The following ST6GALNAC3 variants were observed in gnomAD, a reference collection of about 807,000 sequenced individuals.
ST6GALNAC3 encodes ST6 N-acetylgalactosaminide alpha-2,6-sialyltransferase 3.
In ST6GALNAC3, 25 loss-of-function variants were observed where a neutral mutation model predicts 32.7. The observed-to-expected ratio is 0.76, with a 90% CI of 0.56 to 1.07. ST6GALNAC3 has a LOEUF of 1.07. Ranked by LOEUF, ST6GALNAC3 falls within the 50% of genes least tolerant of loss-of-function variation. The probability of loss-of-function intolerance (pLI) is 0.00; values close to 1 mark genes in which losing one functional copy is unlikely to be tolerated. For missense variants in ST6GALNAC3, 355 were observed against 382.4 expected (o/e 0.93, Z 0.60); for synonymous variants, 129 against 133.1 (o/e 0.97, Z 0.21).
chr1:76,560,261 G>A (rs957247789), intron 3 of ST6GALNAC3, among the ~76,000 whole-genome samples: 1 of 152,134 alleles, frequency 6.6e-6, no homozygotes, highest in Non-Finnish European at 1.5e-5. Context: ...AAACTCTTCA[G>A]GACGTTGATT....
chr1:76,337,559 T>A (rs1647602906), intron 2 of ST6GALNAC3, among the ~76,000 whole-genome samples: 1 of 152,030 alleles, frequency 6.6e-6, no homozygotes, highest in Non-Finnish European at 1.5e-5. Flanking sequence ...ATCTAAAAGC[T>A]GGTTGGCAAT....
chr1:76,506,697 C>T (rs1283692638), intron 3 of ST6GALNAC3, among the ~76,000 whole-genome samples: 3 of 152,140 alleles, frequency 2.0e-5, no homozygotes, highest in Non-Finnish European at 4.4e-5. Flanking sequence ...GTTTCAGGTT[C>T]CAGGCAGGTG....
At chr1:76,536,944 A>C (rs1663647646) in intron 3 of ST6GALNAC3, among the ~76,000 whole-genome samples, 1 of 152,176 alleles carries the variant, frequency 6.6e-6, no homozygotes, top group Non-Finnish European at 1.5e-5. Context: ...CAGAAAATTA[A>C]CAAGGATATT....
rs183547282 is a variant in ST6GALNAC3 at position 76,533,588 on chromosome 1, A to C, written c.624-93864A>C. On this transcript the variant is annotated intron_variant, in intron 3 of 4. Transcript: ENST00000328299. ...AGACTCACACCACATAGTTACCCATATTTCTTCCATTCCCTCCACTGCACC... is the reference window on the plus strand; with the variant it reads ...AGACTCACACCACATAGTTACCCATCTTTCTTCCATTCCCTCCACTGCACC... Among the ~76,000 whole-genome samples the C allele has an allele frequency of 4.9e-4, 75 of 151,996 alleles. No homozygotes were observed. The Middle Eastern group carries it at 0.014, about 28-fold the overall frequency.
intron 1 of ST6GALNAC3, among the ~76,000 whole-genome samples, chr1:76,149,725 A>G (rs542442261): frequency 6.6e-6 from 1 of 151,906 alleles, no homozygotes; most frequent in East Asian, 1.9e-4. Context: ...GTATTCATTC[A>G]TTGTTCCATG....
At chr1:76,585,792 A>G (rs141588640) in intron 3 of ST6GALNAC3, among the ~76,000 whole-genome samples, 57 of 152,308 alleles carry the variant, frequency 3.7e-4, no homozygotes, top group African/African-American at 1.3e-3. Flanking sequence ...CTTAAAATCA[A>G]TCAAATACCC....
At chr1:76,148,370 G>A (rs1268929627) in intron 1 of ST6GALNAC3, among the ~76,000 whole-genome samples, 3 of 152,250 alleles carry the variant, frequency 2.0e-5, no homozygotes, top group Admixed American at 6.5e-5. Context: ...GATATAGGAA[G>A]GTTTCCGGGG....
intron 1 of ST6GALNAC3, among the ~76,000 whole-genome samples, chr1:76,126,719 C>G (rs1362744776): frequency 3.3e-5 from 5 of 152,130 alleles, no homozygotes; most frequent in African/African-American, 1.2e-4. Context: ...GTTCCATTCC[C>G]ATGTTAGTAA....
intron 1 of ST6GALNAC3, among the ~76,000 whole-genome samples, chr1:76,260,780 C>T (rs866389758): frequency 2.0e-5 from 3 of 152,026 alleles, no homozygotes; most frequent in African/African-American, 7.2e-5. Flanking sequence ...AATATATCTA[C>T]CCATCTCTCT....
intron 3 of ST6GALNAC3, among the ~76,000 whole-genome samples, chr1:76,516,391 G>A (rs1265134322): frequency 6.6e-6 from 1 of 151,904 alleles, no homozygotes; most frequent in African/African-American, 2.4e-5. Context: ...GTTTGGTTTG[G>A]CTTAAACTTT....
intron 1 of ST6GALNAC3, among the ~76,000 whole-genome samples, chr1:76,140,943 T>C (rs1311748373): frequency 6.6e-6 from 1 of 151,942 alleles, no homozygotes; most frequent in African/African-American, 2.4e-5. Context: ...AGGCTTGTTT[T>C]TTATTGTACA....
chr1:76,558,960 G>A (rs1213604433), intron 3 of ST6GALNAC3, among the ~76,000 whole-genome samples: 3 of 151,896 alleles, frequency 2.0e-5, no homozygotes, highest in East Asian at 3.8e-4. Context: ...AAAAAGAGGA[G>A]GCAATGTGCT....
At chr1:76,128,566 C>T (rs1649404105) in intron 1 of ST6GALNAC3, among the ~76,000 whole-genome samples, 1 of 152,218 alleles carries the variant, frequency 6.6e-6, no homozygotes, top group African/African-American at 2.4e-5. Context: ...GCTTCCCCGA[C>T]AGCACATCCC....
intron 2 of ST6GALNAC3, among the ~76,000 whole-genome samples, chr1:76,399,892 A>G (rs1029111348): frequency 6.6e-6 from 1 of 152,168 alleles, no homozygotes; most frequent in African/African-American, 2.4e-5. Context: ...AATACAACAT[A>G]TTTGGATTCT....
At chr1:76,536,962 C>T (rs1198291607) in intron 3 of ST6GALNAC3, among the ~76,000 whole-genome samples, 9 of 152,074 alleles carry the variant, frequency 5.9e-5, no homozygotes, top group Non-Finnish European at 1.3e-4. Context: ...ATTCAGGACT[C>T]GAACTCAGCT....
chr1:76,111,479 C>G (rs986101712), intron 1 of ST6GALNAC3, among the ~76,000 whole-genome samples: 2 of 150,700 alleles, frequency 1.3e-5, no homozygotes, highest in Non-Finnish European at 3.0e-5. Flanking sequence ...TTGGGTGTTT[C>G]TCGCAGAGGG....
intron 1 of ST6GALNAC3, among the ~76,000 whole-genome samples, chr1:76,217,626 T>A (rs1471219540): frequency 6.6e-6 from 1 of 152,186 alleles, no homozygotes; most frequent in African/African-American, 2.4e-5. Flanking sequence ...ACCCAAGCAG[T>A]GAACACTGTA....
At chr1:76,375,292 T>G (rs962376557) in intron 2 of ST6GALNAC3, among the ~76,000 whole-genome samples, 4 of 152,090 alleles carry the variant, frequency 2.6e-5, no homozygotes, top group African/African-American at 9.7e-5. Context: ...AATTATTTCC[T>G]CATTCAAGGA....
chr1:76,351,900 C>T (rs1194994532), intron 2 of ST6GALNAC3, among the ~76,000 whole-genome samples: 1 of 151,946 alleles, frequency 6.6e-6, no homozygotes, highest in Non-Finnish European at 1.5e-5. Flanking sequence ...TTGTCTCATC[C>T]CCTGGGATGT....
Sources: gnomAD v4.1 joint callset for allele counts (sites outside exome capture counted in the v4.1 genomes callset) on GRCh38, gnomAD v4.1.1 for gene constraint, MANE v1.5 for transcripts, NCBI Gene and HGNC (gene_info 2026-07-23, HGNC 2026-07-21) for gene names.